VTA1: variants seen among roughly 807,000 people sequenced by gnomAD.
VTA1 encodes the protein vacuolar protein sorting-associated protein VTA1 homolog.
A neutral mutation model predicts 36.9 loss-of-function variants in VTA1; 24 were observed. That is an observed-to-expected ratio of 0.65 (90% CI 0.47 to 0.91). The LOEUF (loss-of-function observed/expected upper bound fraction) is 0.91. Ranked by LOEUF, VTA1 falls within the 40% of genes least tolerant of loss-of-function variation. The pLI is 0.00. For synonymous variants in VTA1, 142 were observed against 130.2 expected (o/e 1.09, Z -0.62); for missense variants, 393 against 377.2 (o/e 1.04, Z -0.35).
intron 1 of VTA1, among the ~76,000 whole-genome samples, chr6:142,152,662 A>T (rs1359333655): frequency 6.6e-6 from 1 of 152,192 alleles, no homozygotes; most frequent in Non-Finnish European, 1.5e-5. Context: ...AGTTTCAAAG[A>T]TACAACTTTT....
At chr6:142,203,734 T>C (rs1247122717) in intron 6 of VTA1, among the ~76,000 whole-genome samples, 2 of 152,148 alleles carry the variant, frequency 1.3e-5, no homozygotes, top group African/African-American at 4.8e-5. Flanking sequence ...TCTACAGATA[T>C]TTGGTAAGCT....
rs371071367 is a variant in VTA1 at position 142,206,944 on chromosome 6, C to T, written c.778+2879C>T. 2.6e-5 allele frequency among the ~76,000 whole-genome samples: 4 copies of T among 152,136 alleles called. No homozygotes were observed. The East Asian group carries it at 7.7e-4, about 29-fold the overall frequency. ...CTTCCACTCATCTCAAAATTTAACTCAAAATGGTTCTGATGCCTAAATTTG... is the reference window on the plus strand; with the variant it reads ...CTTCCACTCATCTCAAAATTTAACTTAAAATGGTTCTGATGCCTAAATTTG... On this transcript the variant is annotated intron_variant, in intron 7 of 7. Coordinates refer to ENST00000367630, the MANE Select transcript of VTA1 (RefSeq NM_016485.5).
rs1776048681 is a variant in VTA1 at position 142,218,701 on chromosome 6, C to CT, written c.*59dup. 2.6e-6 allele frequency: 4 copies of CT among 1,512,650 alleles called. No individual in the cohort carries two copies. In the South Asian group the frequency reaches 4.0e-5, roughly 15 times the overall value. 93.7% of individuals were successfully genotyped at this position (1,512,650 alleles called of 1,614,324 possible). On this transcript the variant is annotated 3_prime_UTR_variant, in exon 8 of 8. Coordinates refer to ENST00000367630, the MANE Select transcript of VTA1 (RefSeq NM_016485.5). ...CATGAGGAACTAACAGTCCATTACT[C>CT]TATCTTCAGCCTATCAGGATCACAG...
chr6:142,150,914 A>C (rs925328528), intron 1 of VTA1, among the ~76,000 whole-genome samples: 2 of 137,944 alleles, frequency 1.4e-5, no homozygotes, highest in Non-Finnish European at 3.1e-5. Context: ...CTCCATCTCC[A>C]AAAAAAAAAA....
intron 6 of VTA1, among the ~76,000 whole-genome samples, chr6:142,203,748 A>G (rs1226032408): frequency 6.6e-6 from 1 of 152,182 alleles, no homozygotes; most frequent in Non-Finnish European, 1.5e-5. Flanking sequence ...GTAAGCTTTA[A>G]TGGAGAAGTA....
Position 142,215,500 on chromosome 6 carries a change from G to A in VTA1, c.779-2998G>A, listed in dbSNP as rs898754089. Among the ~76,000 whole-genome samples the A allele has an allele frequency of 4.3e-4, 66 of 152,172 alleles. 1 individual carries two copies. Among genetic ancestry groups the A allele is most frequent in the Middle Eastern group, 3.4e-3 (1 of 294 alleles). On this transcript the variant is annotated intron_variant, in intron 7 of 7. Transcript: ENST00000367630. ...TAATATCTGAATAGTATTTAGCACA[G>A]CACTTGACATAATGAAATTCTGCCT...
At chr6:142,212,493 A>C (rs111575272) in intron 7 of VTA1, among the ~76,000 whole-genome samples, 5 of 152,164 alleles carry the variant, frequency 3.3e-5, no homozygotes, top group Admixed American at 1.3e-4. Flanking sequence ...GAAGATCAGC[A>C]GTTGCCAAGA....
chr6:142,156,313 A>G (rs1214845861), intron 1 of VTA1, among the ~76,000 whole-genome samples: 3 of 152,214 alleles, frequency 2.0e-5, no homozygotes, highest in Non-Finnish European at 4.4e-5. Context: ...CTGAGGGGAA[A>G]GGGACTAGTA....
At chr6:142,198,117 A>ATGTGTG (rs1265860816) in intron 5 of VTA1, among the ~76,000 whole-genome samples, 940 of 78,554 alleles carry the variant, frequency 0.012, 5 homozygotes, top group South Asian at 0.025. Flanking sequence ...ATATATATAT[A>ATGTGTG]TATGTGTGTG....
At chr6:142,181,116 T>TATATATATATATATACACAC (rs753996612) in intron 4 of VTA1, among the ~76,000 whole-genome samples, 1 of 87,080 alleles carries the variant, frequency 1.1e-5, no homozygotes, top group Non-Finnish European at 2.2e-5. Context: ...TATATATATA[T>TATATATATATATATACACAC]ACACACACAC....
At chr6:142,213,487 C>G (rs534261963) in intron 7 of VTA1, among the ~76,000 whole-genome samples, 2 of 152,216 alleles carry the variant, frequency 1.3e-5, no homozygotes, top group Non-Finnish European at 2.9e-5. Context: ...GCCCTCTTCT[C>G]ACAGCTCCAC....
chr6:142,192,091 CTG>C (rs1305666440), intron 5 of VTA1, among the ~76,000 whole-genome samples: 1 of 152,062 alleles, frequency 6.6e-6, no homozygotes, highest in Non-Finnish European at 1.5e-5. Flanking sequence ...TACCACATCA[CTG>C]TGACATTTGA....
Position 142,147,414 on chromosome 6 carries a change from G to C in VTA1, c.112+15G>C. The C allele has an allele frequency of 1.2e-6, 2 of 1,611,190 alleles. No individual in the cohort carries two copies. The highest frequency in any genetic ancestry group is 1.1e-5 in the South Asian group (1 of 90,716). The stretch of plus-strand genomic sequence containing the variant: ...GGCTTATTACTGTGAGTCTTTCCGA[G>C]TGGCCGCGCCCTTTCTTTCCCAGTT... On this transcript the variant is annotated intron_variant, in intron 1 of 7. Transcript: ENST00000367630.
intron 1 of VTA1, among the ~76,000 whole-genome samples, chr6:142,158,297 G>A (rs1314289269): frequency 2.6e-5 from 4 of 152,118 alleles, no homozygotes; most frequent in Non-Finnish European, 5.9e-5. Flanking sequence ...TGGATGCAGG[G>A]TAAGACTCTG....
intron 4 of VTA1, among the ~76,000 whole-genome samples, chr6:142,182,946 G>T (rs1294346758): frequency 6.6e-6 from 1 of 152,062 alleles, no homozygotes; most frequent in Admixed American, 6.6e-5. Flanking sequence ...TCCTGACACT[G>T]GGACATGAAA....
chr6:142,176,838 G>C (rs1278440107), intron 4 of VTA1, among the ~76,000 whole-genome samples: 2 of 152,120 alleles, frequency 1.3e-5, no homozygotes, highest in African/African-American at 4.8e-5. Context: ...GATTGGCACA[G>C]ATCTAGATCT....
intron 4 of VTA1, among the ~76,000 whole-genome samples, chr6:142,174,551 A>T (rs907030223): frequency 1.3e-5 from 2 of 152,298 alleles, no homozygotes; most frequent in African/African-American, 4.8e-5. Context: ...GCAATGAGTT[A>T]AATCTTTAGG....
chr6:142,156,371 G>A (rs909034689), intron 1 of VTA1, among the ~76,000 whole-genome samples: 14 of 152,118 alleles, frequency 9.2e-5, no homozygotes, highest in African/African-American at 3.4e-4. Context: ...AAAAAATCTC[G>A]GAGATTCCCC....
chr6:142,209,422 A>C (rs1029738074), intron 7 of VTA1, among the ~76,000 whole-genome samples: 54 of 151,382 alleles, frequency 3.6e-4, no homozygotes, highest in African/African-American at 1.3e-3. Flanking sequence ...AACTATATAA[A>C]ATTCTGATGA....
Sources: gnomAD v4.1 joint callset for allele counts (sites outside exome capture counted in the v4.1 genomes callset) on GRCh38, gnomAD v4.1.1 for gene constraint, MANE v1.5 for transcripts, NCBI Gene and HGNC (gene_info 2026-07-23, HGNC 2026-07-21) for gene names.